FAM81A: variants seen among roughly 807,000 people sequenced by gnomAD.
FAM81A encodes family with sequence similarity 81 member A.
In FAM81A, 19 loss-of-function variants were observed where a neutral mutation model predicts 46.7. That is an observed-to-expected ratio of 0.41 (90% CI 0.28 to 0.60). The LOEUF (loss-of-function observed/expected upper bound fraction) is 0.60. FAM81A is among the 20% of genes least tolerant of loss of function. The pLI, the probability that FAM81A is intolerant of heterozygous loss-of-function variation, is 0.34. For synonymous variants in FAM81A, 183 were observed against 152.9 expected, an observed-to-expected ratio of 1.20 and a Z score of -1.45; for missense variants, 377 against 453.5, an observed-to-expected ratio of 0.83 and a Z score of 1.53.
intron 1 of FAM81A, chr15:59,401,699 A>G: frequency 1.3e-6 from 1 of 780,594 alleles, no homozygotes; most frequent in Non-Finnish European, 2.4e-6. Flanking sequence ...ACTGGAAAGT[A>G]CTTTAGCTCG....
chr15:59,428,506 C>G (rs1217410310), intron 2 of FAM81A, among the ~76,000 whole-genome samples: 2 of 150,142 alleles, frequency 1.3e-5, no homozygotes, highest in African/African-American at 2.4e-5. Context: ...AATTCCTGGG[C>G]TCAAGTGCTT....
chr15:59,498,143 C>G (rs1000627857), intron 4 of FAM81A, among the ~76,000 whole-genome samples: 1 of 152,220 alleles, frequency 6.6e-6, no homozygotes, highest in Non-Finnish European at 1.5e-5. Context: ...AGTCACCATG[C>G]CTGGCCCCAA....
At chr15:59,492,989 C>T (rs1405093526) in intron 4 of FAM81A, among the ~76,000 whole-genome samples, 1 of 152,150 alleles carries the variant, frequency 6.6e-6, no homozygotes, top group East Asian at 1.9e-4. Flanking sequence ...AAGCACTGTA[C>T]CAGGACTGTG....
chr15:59,415,388 G>T (rs1343448833), intron 2 of FAM81A, among the ~76,000 whole-genome samples: 1 of 152,174 alleles, frequency 6.6e-6, no homozygotes, highest in Non-Finnish European at 1.5e-5. Context: ...AGAATGCTGG[G>T]ATTACAGGCG....
At chr15:59,457,867 G>A (rs1041673948) in intron 1 of FAM81A, among the ~76,000 whole-genome samples, 1 of 152,142 alleles carries the variant, frequency 6.6e-6, no homozygotes, top group African/African-American at 2.4e-5. Context: ...CAGTATTGAG[G>A]AACCTAAATA....
chr15:59,421,899 CTATCT>C (rs2081175351), intron 2 of FAM81A, among the ~76,000 whole-genome samples: 1 of 140,030 alleles, frequency 7.1e-6, no homozygotes, highest in South Asian at 2.1e-4. Flanking sequence ...ATCTATCTAT[CTATCT>C]ATCTATCTAT....
chr15:59,413,011 G>T (rs1466010813), intron 2 of FAM81A, among the ~76,000 whole-genome samples: 1 of 152,222 alleles, frequency 6.6e-6, no homozygotes, highest in African/African-American at 2.4e-5. Context: ...AAGTGAAGGT[G>T]CAGATCAAGA....
At chr15:59,401,596 A>G (rs1378514997) in intron 1 of FAM81A, 1 of 874,048 alleles carries the variant, frequency 1.1e-6, no homozygotes, top group Non-Finnish European at 1.9e-6. Flanking sequence ...TTGTTCGAAT[A>G]ACTTTTAATA....
chr15:59,474,327 T>G (rs1245008397), intron 3 of FAM81A, among the ~76,000 whole-genome samples: 2 of 152,218 alleles, frequency 1.3e-5, no homozygotes, highest in African/African-American at 2.4e-5. Flanking sequence ...AGAAATTTAT[T>G]TCTCACAGTT....
chr15:59,508,927 C>A lies in FAM81A; in HGVS notation c.608C>A (p.Ser203Tyr). Residue 203 changes from serine (S) to tyrosine (Y), a missense_variant, in exon 6 of 9, where the codon TCT (serine) becomes TAT (tyrosine). Transcript: ENST00000288228. ...GAGCAGAGCACCAAACTGAAGATGT[C>A]TCACAGAGACAGTAACCACCAGCTT... Reference protein sequence around the residue: ...ISEQSTKLKMSHRDSNHQLQL... With the variant: ...ISEQSTKLKMYHRDSNHQLQL... 1.2e-6 allele frequency: 2 copies of A among 1,613,278 alleles called. No homozygotes were observed. Among genetic ancestry groups the A allele is most frequent in the South Asian group, 2.2e-5 (2 of 91,002 alleles).
chr15:59,466,235 T>G (rs1376758338), intron 3 of FAM81A, among the ~76,000 whole-genome samples: 1 of 152,244 alleles, frequency 6.6e-6, no homozygotes, highest in African/African-American at 2.4e-5. Context: ...ATGGGATTGC[T>G]GGGTCAAATG....
chr15:59,413,092 G>T (rs540026985), intron 2 of FAM81A, among the ~76,000 whole-genome samples: 1 of 152,222 alleles, frequency 6.6e-6, no homozygotes, highest in African/African-American at 2.4e-5. Context: ...GCCACACAAG[G>T]CCACTCAGGT....
intron 2 of FAM81A, among the ~76,000 whole-genome samples, chr15:59,413,106 G>A (rs1178416212): frequency 6.6e-6 from 1 of 152,124 alleles, no homozygotes; most frequent in East Asian, 1.9e-4. Flanking sequence ...CTCAGGTGAA[G>A]CCCCAGGTCA....
rs1250399574 is a variant in FAM81A, at chr15:59,410,544, A to G, written c.-78+8186A>G. Among the ~76,000 whole-genome samples the G allele has an allele frequency of 2.5e-4, 3 of 12,168 alleles. No homozygotes were observed. In the Non-Finnish European group the frequency reaches 0.014, roughly 57 times the overall value. 8.0% of individuals were successfully genotyped at this position (12,168 alleles called of 152,430 possible). On this transcript the variant is annotated intron_variant, in intron 2 of 4. Transcript: ENST00000558348. ...AGGAGAATATGAGCTGTGGACTACG[A>G]GAAAAAAACCAGAGTGACTGAAGGA... is the stretch of plus-strand genomic sequence containing the variant.
intron 2 of FAM81A, among the ~76,000 whole-genome samples, chr15:59,422,637 C>T (rs1187944044): frequency 1.3e-5 from 2 of 151,970 alleles, no homozygotes; most frequent in Non-Finnish European, 2.9e-5. Flanking sequence ...CCACCACGCT[C>T]AGCTAATTTT....
chr15:59,410,424 C>T (rs976736928), intron 2 of FAM81A, among the ~76,000 whole-genome samples: 5 of 152,242 alleles, frequency 3.3e-5, no homozygotes, highest in Admixed American at 3.3e-4. Flanking sequence ...TCAGTCCACA[C>T]AAATAACTTA....
chr15:59,446,994 T>G (rs944744429), intron 1 of FAM81A, among the ~76,000 whole-genome samples: 3 of 152,262 alleles, frequency 2.0e-5, no homozygotes, highest in Non-Finnish European at 4.4e-5. Context: ...GTTCATTCTT[T>G]TCTTCAAGAA....
intron 3 of FAM81A, among the ~76,000 whole-genome samples, chr15:59,462,886 T>C (rs562703505): frequency 6.6e-6 from 1 of 152,340 alleles, no homozygotes; most frequent in East Asian, 1.9e-4. Flanking sequence ...TGATAACTTA[T>C]GAAAGTTTTT....
At chr15:59,478,620 G>A (rs887563581) in intron 3 of FAM81A, among the ~76,000 whole-genome samples, 12 of 152,168 alleles carry the variant, frequency 7.9e-5, no homozygotes, top group African/African-American at 2.4e-4. Flanking sequence ...GTATATCAGC[G>A]GAGGGGTTTT....
Sources: gnomAD v4.1 joint callset for allele counts (sites outside exome capture counted in the v4.1 genomes callset) on GRCh38, gnomAD v4.1.1 for gene constraint, MANE v1.5 for transcripts, NCBI Gene and HGNC (gene_info 2026-07-23, HGNC 2026-07-21) for gene names.